Variants in ICE1 observed in about 807,000 individuals in gnomAD.
The protein encoded by ICE1 is little elongation complex subunit 1.
A neutral mutation model predicts 192.7 loss-of-function variants in ICE1; 64 were observed. That is an observed-to-expected ratio of 0.33 (90% CI 0.27 to 0.41). The LOEUF (loss-of-function observed/expected upper bound fraction) is 0.41. Among genes scored for constraint, ICE1 ranks in the 10% least tolerant of loss-of-function variants. ICE1 has a pLI of 1.00. For synonymous variants in ICE1, 1,010 were observed against 984.5 expected, an observed-to-expected ratio of 1.03 and a Z score of -0.49; for missense variants, 2,708 against 2,696.0, an observed-to-expected ratio of 1.00 and a Z score of -0.10.
chr5:5,472,436 A>G (rs1414419296), intron 15 of ICE1, among the ~76,000 whole-genome samples: 1 of 152,204 alleles, frequency 6.6e-6, no homozygotes, highest in Non-Finnish European at 1.5e-5. Flanking sequence ...CCATGTTCAC[A>G]ATTACTGCCA....
intron 13 of ICE1, 117 bp downstream of exon 13, chr5:5,465,343 A>T: frequency 1.5e-6 from 1 of 672,672 alleles, no homozygotes; most frequent in South Asian, 2.0e-5. Context: ...TTCAAGGATG[A>T]GAGTTATCCA....
intron 1 of ICE1, among the ~76,000 whole-genome samples, chr5:5,427,307 T>A (rs1334545351): frequency 6.6e-6 from 1 of 152,228 alleles, no homozygotes; most frequent in Non-Finnish European, 1.5e-5. Context: ...GGCAGTCAGA[T>A]ATAACAGTGT....
chr5:5,483,027 G>T (rs1296460860), intron 17 of ICE1, among the ~76,000 whole-genome samples: 1 of 151,976 alleles, frequency 6.6e-6, no homozygotes, highest in African/African-American at 2.4e-5. Flanking sequence ...TTTCGCTCTT[G>T]TTGCCCAAGC....
At chr5:5,488,913 T>C (rs1037067890) in intron 18 of ICE1, among the ~76,000 whole-genome samples, 3 of 152,116 alleles carry the variant, frequency 2.0e-5, no homozygotes, top group African/African-American at 7.2e-5. Flanking sequence ...ACACAAACAG[T>C]CCTCAGAACA....
chr5:5,440,020 T>C, intron 4 of ICE1, 107 bp downstream of exon 4: 1 of 637,362 alleles, frequency 1.6e-6, no homozygotes, highest in Non-Finnish European at 2.7e-6. Context: ...AAAATGTACA[T>C]AGGATTACTC....
Position 5,422,868 on chromosome 5 carries a change from C to T in ICE1, c.-48C>T. The T allele has an allele frequency of 1.6e-6, 2 of 1,261,092 alleles. No individual in the cohort carries two copies. The highest frequency in any genetic ancestry group is 4.8e-5 in the South Asian group (2 of 41,380). The allele number at this position is 1,261,092 out of a possible 1,614,324, so 78.1% of individuals were successfully genotyped here. A position where few individuals can be genotyped will look rare whatever the true frequency, so the allele number is the denominator to read the frequency against. ...CAGCAGAGACAGGACGGGGCCGACG[C>T]CGCGGGCCCCTGAGGCGTGCGTGCC... is the stretch of plus-strand genomic sequence containing the variant. On this transcript the variant is annotated 5_prime_UTR_variant, in exon 1 of 19. Transcript: ENST00000296564.
At chr5:5,437,023 A>T in intron 2 of ICE1, 57 bp from the exon 3 acceptor site, 1 of 1,102,058 alleles carries the variant, frequency 9.1e-7, no homozygotes. Flanking sequence ...ACATAATTTT[A>T]ACATAGTATA....
At chr5:5,476,938 A>G (rs1739331655) in intron 17 of ICE1, among the ~76,000 whole-genome samples, 1 of 152,230 alleles carries the variant, frequency 6.6e-6, no homozygotes, top group African/African-American at 2.4e-5. Context: ...TAAATGAGAC[A>G]TGGATCCTTC....
Position 5,457,618 on chromosome 5 carries a change from T to C in ICE1, c.978T>C (p.Phe326=). 4 of 1,614,032 alleles carry C rather than the reference T, an allele frequency of 2.5e-6. No homozygotes were observed. Among genetic ancestry groups the C allele is most frequent in the Non-Finnish European group, 3.4e-6 (4 of 1,179,896 alleles). ...AATTTGTTGATCATGATCATTTTTT[T>C]GATGAAGATCTTCAAGCTGCAATTG... ...STEFVDHDHF[F]DEDLQAAIDF... is the part of the protein sequence containing the mutation. Residue 326 remains phenylalanine, a synonymous_variant, in exon 12 of 19, where the codon TTT becomes TTC. Coordinates refer to ENST00000296564, the MANE Select transcript of ICE1 (RefSeq NM_015325.3).
In ICE1 at chr5:5,443,248, A is replaced by G. The variant is rs948377197; in HGVS notation, c.386+4A>G. 16 of 1,418,982 alleles carry G rather than the reference A, an allele frequency of 1.1e-5. No homozygotes were observed. Among genetic ancestry groups the G allele is most frequent in the Non-Finnish European group, 1.3e-5 (14 of 1,052,648 alleles). 87.9% of individuals were successfully genotyped at this position (1,418,982 alleles called of 1,614,324 possible). A position where few individuals can be genotyped will look rare whatever the true frequency, so the allele number is the denominator to read the frequency against. The stretch of plus-strand genomic sequence containing the variant: ...AATGCTTGAAGAGTGATGCTCAGTA[A>G]GTAGTTACTAAATTACTATAGAAAT... On this transcript the variant is annotated splice_donor_region_variant and intron_variant, in intron 6 of 18. Transcript: ENST00000296564.
chr5:5,469,890 A>G (rs1448109233), intron 15 of ICE1, among the ~76,000 whole-genome samples: 1 of 151,518 alleles, frequency 6.6e-6, no homozygotes, highest in East Asian at 1.9e-4. Flanking sequence ...ATTTTGTGTC[A>G]GGAGAGACAT....
intron 17 of ICE1, among the ~76,000 whole-genome samples, chr5:5,485,434 A>C (rs939203893): frequency 6.6e-6 from 1 of 152,206 alleles, no homozygotes; most frequent in African/African-American, 2.4e-5. Flanking sequence ...CGTAAGACTG[A>C]ATATATGAAG....
Position 5,463,086 on chromosome 5 carries a change from T to C in ICE1, c.3752T>C (p.Leu1251Pro). 4 of 1,613,488 alleles carry C rather than the reference T, an allele frequency of 2.5e-6. No individual in the cohort carries two copies. Among genetic ancestry groups the C allele is most frequent in the Non-Finnish European group, 3.4e-6 (4 of 1,179,716 alleles). Residue 1251 changes from leucine to proline, a missense_variant, in exon 13 of 19, where the codon CTC (leucine) becomes CCC (proline). Leu to Pro is a moderately conservative substitution (Grantham distance 98, BLOSUM62 -3). Transcript: ENST00000296564. ...DDYSLKNTSQLTQCSLETLSE... is the reference protein window; with the variant it reads ...DDYSLKNTSQPTQCSLETLSE... ...TATTCGTTAAAAAATACAAGTCAGC[T>C]CACTCAGTGTTCTTTGGAAACTCTG...
intron 4 of ICE1, among the ~76,000 whole-genome samples, chr5:5,440,737 A>G (rs1015289903): frequency 2.0e-5 from 3 of 152,198 alleles, no homozygotes; most frequent in South Asian, 2.1e-4. Context: ...CTTTTTTTAA[A>G]TTAGCCAGGT....
Position 5,464,481 on chromosome 5 carries a change from TC to T in ICE1, c.5148del (p.Cys1717ValfsTer33). ...SERVVPSPLQ[F>X]CAATPKHALP... ...AGGGTAGTGCCGTCTCCTCTGCAGTTCTGTGCGGCCACGCCGAAGCACGCAC... is the reference window on the plus strand; with the variant it reads ...AGGGTAGTGCCGTCTCCTCTGCAGTTTGTGCGGCCACGCCGAAGCACGCAC... On this transcript the variant is annotated frameshift_variant, in exon 13 of 19. Transcript: ENST00000296564. LOFTEE classifies it high-confidence loss of function. The surrounding 1 kb of genome is among the most constrained non-coding windows in gnomAD (Gnocchi z 4.0). 6.2e-7 allele frequency: 1 copy of T among 1,613,884 alleles called. No individual in the cohort carries two copies. Among genetic ancestry groups the T allele is most frequent in the Non-Finnish European group, 8.5e-7 (1 of 1,179,860 alleles).
chr5:5,468,731 C>T, intron 14 of ICE1, 97 bp from the exon 15 acceptor site: 1 of 710,344 alleles, frequency 1.4e-6, no homozygotes, highest in Non-Finnish European at 2.1e-6. Context: ...AGGATGCCTG[C>T]AAGGCACCAG....
chr5:5,461,969 A>G lies in ICE1; in HGVS notation c.2635A>G (p.Arg879Gly). The change falls in exon 13 of 19, where the codon AGG becomes GGG. Residue 879 changes from arginine to glycine, a missense_variant. Arg to Gly is a moderately radical substitution (Grantham distance 125). Coordinates refer to ENST00000296564, the MANE Select transcript of ICE1 (RefSeq NM_015325.3). ...TCAGAGTGCCAAATTGGAACACTTG[A>G]GGCCACATAGGGTTGAGCCTACCTT... Reference protein sequence around the residue: ...KVQSAKLEHLRPHRVEPTLVT... With the variant: ...KVQSAKLEHLGPHRVEPTLVT... 2 of 1,613,978 alleles carry G rather than the reference A, an allele frequency of 1.2e-6. No individual in the cohort carries two copies. Among genetic ancestry groups the G allele is most frequent in the Non-Finnish European group, 1.7e-6 (2 of 1,179,900 alleles).
intron 17 of ICE1, among the ~76,000 whole-genome samples, chr5:5,479,300 T>C (rs1325218036): frequency 6.6e-6 from 1 of 152,154 alleles, no homozygotes; most frequent in African/African-American, 2.4e-5. Flanking sequence ...AACAGACACT[T>C]CTCAAAAGAA....
intron 17 of ICE1, among the ~76,000 whole-genome samples, chr5:5,480,118 C>A (rs1279800266): frequency 6.6e-6 from 1 of 152,134 alleles, no homozygotes; most frequent in African/African-American, 2.4e-5. Flanking sequence ...TTTGACCTGA[C>A]TTCTCTATCT....
Sources: gnomAD v4.1 joint callset for allele counts (sites outside exome capture counted in the v4.1 genomes callset) on GRCh38, gnomAD v4.1.1 for gene constraint, Gnocchi (gnomAD v3.1) non-coding constraint, MANE v1.5 for transcripts, NCBI Gene and HGNC (gene_info 2026-07-23, HGNC 2026-07-21) for gene names.